The following TGFBI variants were observed in gnomAD, a reference collection of about 807,000 sequenced individuals.
The protein encoded by TGFBI is transforming growth factor-beta-induced protein ig-h3.
A neutral mutation model predicts 73.7 loss-of-function variants in TGFBI; 50 were observed. The ratio of observed to expected loss-of-function variants is 0.68; its 90% CI spans 0.54 to 0.86. TGFBI has a LOEUF of 0.86. Among genes scored for constraint, TGFBI ranks in the 40% least tolerant of loss-of-function variants. The pLI is 0.00. For missense variants in TGFBI, 839 were observed against 877.0 expected (o/e 0.96, Z 0.55); for synonymous variants, 362 against 360.5 (o/e 1.00, Z -0.05).
intron 12 of TGFBI, 196 bp from the exon 13 acceptor site, chr5:136,058,894 T>C: frequency 1.6e-6 from 1 of 607,808 alleles, no homozygotes; most frequent in Admixed American, 3.2e-5. Flanking sequence ...ACATGTGCTT[T>C]GTGTCCTCTG....
At chr5:136,049,731 G>C in intron 7 of TGFBI, 151 bp downstream of exon 7, 1 of 867,646 alleles carries the variant, frequency 1.2e-6, no homozygotes, top group South Asian at 1.9e-5. Context: ...CTGTCCTGTT[G>C]CTTCAGCTAA....
rs756672250 is a variant in TGFBI, at chr5:136,052,894, G to A, written c.914-13G>A. 1.9e-6 allele frequency: 3 copies of A among 1,612,580 alleles called. No homozygotes were observed. The South Asian group carries it at 3.3e-5, about 18-fold the overall frequency. On this transcript the variant is annotated splice_polypyrimidine_tract_variant and intron_variant, in intron 7 of 16. Transcript: ENST00000442011. ...GTGGACCCTGACTTGACCTGAGTCT[G>A]TTTGGACCCCAGACCTGCTGAACAA...
At chr5:136,062,118 T>G (rs1751759797) in intron 15 of TGFBI, among the ~76,000 whole-genome samples, 1 of 152,092 alleles carries the variant, frequency 6.6e-6, no homozygotes, top group South Asian at 2.1e-4. Context: ...TTTCTGAGCT[T>G]CCTTTCCTGC....
chr5:136,046,503 G>A lies in TGFBI; in HGVS notation c.459+8G>A. Reference sequence around the variant, plus strand: ...TGGGCCTCCTTGCCAGCTGTGAGATGACCTCCGTCTGCCCGGGGGACTCTT... The same window carrying A: ...TGGGCCTCCTTGCCAGCTGTGAGATAACCTCCGTCTGCCCGGGGGACTCTT... On this transcript the variant is annotated splice_region_variant and intron_variant, in intron 4 of 16. Transcript: ENST00000442011. The A allele has an allele frequency of 6.3e-7, 1 of 1,598,712 alleles. No homozygotes were observed. Among genetic ancestry groups the A allele is most frequent in the Non-Finnish European group, 8.5e-7 (1 of 1,170,820 alleles).
intron 3 of TGFBI, among the ~76,000 whole-genome samples, chr5:136,044,490 G>A (rs1253358044): frequency 3.9e-5 from 6 of 152,224 alleles, no homozygotes; most frequent in East Asian, 3.8e-4. Context: ...ATCAGTTTCC[G>A]ATCAGCTCTG....
chr5:136,048,286 T>A (rs1475476650), intron 6 of TGFBI: 1 of 152,232 alleles, frequency 6.6e-6, no homozygotes, highest in Non-Finnish European at 1.5e-5. Context: ...TGTTCCCACA[T>A]AGTTGGCAGC....
chr5:136,059,305 C>CAA, intron 13 of TGFBI, 91 bp downstream of exon 13: 1 of 1,514,646 alleles, frequency 6.6e-7, no homozygotes, highest in Non-Finnish European at 8.9e-7. Flanking sequence ...TATACACACA[C>CAA]AACCTTCAAG....
intron 16 of TGFBI, 73 bp downstream of exon 16, chr5:136,062,760 A>G (rs538575034): frequency 6.8e-7 from 1 of 1,460,970 alleles, no homozygotes; most frequent in South Asian, 1.2e-5. Flanking sequence ...CAAGCCTGCC[A>G]TCTGCTGTAT....
intron 11 of TGFBI, 74 bp from the exon 12 acceptor site, chr5:136,056,591 T>C: frequency 6.2e-7 from 1 of 1,601,924 alleles, no homozygotes; most frequent in Non-Finnish European, 8.5e-7. Flanking sequence ...TTAAGGAAAA[T>C]ACCTCTCAGC....
intron 1 of TGFBI, among the ~76,000 whole-genome samples, chr5:136,029,720 C>T (rs1480841890): frequency 6.6e-6 from 1 of 152,208 alleles, no homozygotes; most frequent in African/African-American, 2.4e-5. Context: ...CCCGACACTG[C>T]TCTCTGGGTA....
At chr5:136,037,294 T>C (rs1196267757) in intron 2 of TGFBI, among the ~76,000 whole-genome samples, 1 of 152,180 alleles carries the variant, frequency 6.6e-6, no homozygotes, top group African/African-American at 2.4e-5. Flanking sequence ...ACCGGAGTGA[T>C]ACAATGGCTA....
intron 2 of TGFBI, among the ~76,000 whole-genome samples, chr5:136,039,287 C>T (rs1299134564): frequency 6.6e-6 from 1 of 152,160 alleles, no homozygotes; most frequent in African/African-American, 2.4e-5. Flanking sequence ...GAGACAGGCT[C>T]AAAAGACTTT....
chr5:136,063,472 A>G lies in TGFBI; in HGVS notation c.*246A>G. ...GCAGAAACTTGGATGTCACTGCCTG[A>G]CATTCACTTCCAGAGAGGACCTATC... On this transcript the variant is annotated 3_prime_UTR_variant, in exon 17 of 17. Coordinates refer to ENST00000442011, the MANE Select transcript of TGFBI (RefSeq NM_000358.3). 4.0e-6 allele frequency: 2 copies of G among 499,128 alleles called. No homozygotes were observed. The highest frequency in any genetic ancestry group is 2.6e-5 in the South Asian group (1 of 39,198). The allele number at this position is 499,128 out of a possible 1,614,324, so 30.9% of individuals were successfully genotyped here.
chr5:136,054,037 T>G lies in TGFBI; in HGVS notation c.1221T>G (p.Ser407Arg), dbSNP rs758278795. Residue 407 changes from serine to arginine, a missense_variant, in exon 9 of 17, where the codon AGT becomes AGG. Physicochemically the swap from Ser to Arg is moderately radical, Grantham distance 110. Coordinates refer to ENST00000442011, the MANE Select transcript of TGFBI (RefSeq NM_000358.3). ...GCCTCGGCAATCATCTCTCTGGAAG[T>G]GAGCGGTTGACCCTCCTGGCTCCCC... Reference protein sequence around the residue: ...QAGLGNHLSGSERLTLLAPLN... With the variant: ...QAGLGNHLSGRERLTLLAPLN... 6 of 1,613,844 alleles carry G rather than the reference T, an allele frequency of 3.7e-6. No homozygotes were observed. Among genetic ancestry groups the G allele is most frequent in the Middle Eastern group, 1.7e-4 (1 of 6,060 alleles).
intron 6 of TGFBI, chr5:136,048,481 G>C (rs1391341352): frequency 1.3e-5 from 2 of 152,252 alleles, no homozygotes; most frequent in Non-Finnish European, 2.9e-5. Context: ...GAACAAGGAA[G>C]GCAAAGTTCT....
chr5:136,043,323 C>T (rs549931130), intron 2 of TGFBI, among the ~76,000 whole-genome samples: 4 of 152,284 alleles, frequency 2.6e-5, no homozygotes, highest in Non-Finnish European at 5.9e-5. Flanking sequence ...TTCAGATCTC[C>T]AGACAGTGGT....
intron 15 of TGFBI, 79 bp downstream of exon 15, chr5:136,061,658 C>T (rs1409223992): frequency 2.5e-6 from 3 of 1,215,050 alleles, no homozygotes; most frequent in African/African-American, 1.5e-5. Flanking sequence ...CCTCTCCAGC[C>T]CCTGTCTTCC....
At chr5:136,049,631 G>A in intron 7 of TGFBI, 51 bp downstream of exon 7, 2 of 1,577,852 alleles carry the variant, frequency 1.3e-6, no homozygotes, top group East Asian at 2.3e-5. Flanking sequence ...GCTAGATTGA[G>A]CCCAAGACCT....
At chr5:136,044,256 C>T in intron 3 of TGFBI, 134 bp downstream of exon 3, 1 of 749,592 alleles carries the variant, frequency 1.3e-6, no homozygotes, top group Non-Finnish European at 2.3e-6. Context: ...CCCCACGTGC[C>T]CACTGGCCCC....
Sources: allele counts gnomAD v4.1 joint callset (sites outside exome capture counted in the v4.1 genomes callset), GRCh38; gene constraint gnomAD v4.1.1; transcripts MANE v1.5; gene names NCBI Gene and HGNC (gene_info 2026-07-23, HGNC 2026-07-21).